The following MGAT4C variants were observed in gnomAD, a reference collection of about 807,000 sequenced individuals.
The protein encoded by MGAT4C is MGAT4 family member C.
Under a neutral mutation model 40.1 loss-of-function variants are expected in MGAT4C, and 19 were observed. The observed-to-expected ratio is 0.47, with a 90% confidence interval of 0.33 to 0.70. The LOEUF is 0.70. MGAT4C is among the 30% of genes least tolerant of loss of function. MGAT4C has a pLI of 0.02. For missense variants in MGAT4C, 491 were observed against 563.2 expected (o/e 0.87, Z 1.30); for synonymous variants, 181 against 187.1 (o/e 0.97, Z 0.27).
At chr12:86,496,459 T>G (rs979801754) in intron 2 of MGAT4C, among the ~76,000 whole-genome samples, 1 of 151,388 alleles carries the variant, frequency 6.6e-6, no homozygotes, top group Non-Finnish European at 1.5e-5. Flanking sequence ...ATTCACTTTC[T>G]CAATCTTTTT....
At chr12:86,386,551 G>A (rs1248803169) in intron 3 of MGAT4C, among the ~76,000 whole-genome samples, 1 of 152,146 alleles carries the variant, frequency 6.6e-6, no homozygotes, top group East Asian at 1.9e-4. Flanking sequence ...GATTACCCCA[G>A]TGGCACGTTG....
rs773203393 is a variant in MGAT4C, at chr12:85,979,412, T to C, written c.1314A>G (p.Gly438=). The change falls in exon 5 of 5, where the codon GGA becomes GGG. Residue 438 remains glycine (G), a synonymous_variant. Coordinates refer to ENST00000611864, the MANE Select transcript of MGAT4C (RefSeq NM_001351288.2). ...GATTTACACCTGACATTTCAAAGTT[T>C]CCATTTTTGAATTCTCCTAGTCTTA... ...TYLRLGEFKN[G]NFEMSGVNQK... 1 of 1,613,202 alleles carries C rather than the reference T, an allele frequency of 6.2e-7. No homozygotes were observed. The highest frequency in any genetic ancestry group is 1.3e-5 in the African/African-American group (1 of 74,886).
At chr12:86,702,213 T>G (rs1437509751) in intron 2 of MGAT4C, among the ~76,000 whole-genome samples, 4 of 151,200 alleles carry the variant, frequency 2.6e-5, no homozygotes, top group Admixed American at 6.6e-5. Context: ...CAGCTATTTT[T>G]TTTTTTTTTT....
intron 2 of MGAT4C, among the ~76,000 whole-genome samples, chr12:86,029,386 T>A (rs1195736908): frequency 6.6e-6 from 1 of 151,944 alleles, no homozygotes; most frequent in Non-Finnish European, 1.5e-5. Context: ...TTACTATGCT[T>A]TTTAAACAGT....
At chr12:86,822,189 C>G (rs886332230) in intron 1 of MGAT4C, among the ~76,000 whole-genome samples, 1 of 150,844 alleles carries the variant, frequency 6.6e-6, no homozygotes, top group African/African-American at 2.4e-5. Flanking sequence ...GAAAAAAATA[C>G]ATATACCTAT....
chr12:86,129,074 A>G (rs1183330370), intron 1 of MGAT4C, among the ~76,000 whole-genome samples: 1 of 152,138 alleles, frequency 6.6e-6, no homozygotes, highest in Non-Finnish European at 1.5e-5. Flanking sequence ...GGATATGCTG[A>G]CTGACTTTGG....
At chr12:86,046,425 G>A (rs1892401286) in intron 2 of MGAT4C, among the ~76,000 whole-genome samples, 1 of 152,150 alleles carries the variant, frequency 6.6e-6, no homozygotes, top group African/African-American at 2.4e-5. Flanking sequence ...TTTGGTAGAG[G>A]TACAGAGTTT....
At chr12:86,837,868 T>C (rs1229653031) in intron 1 of MGAT4C, among the ~76,000 whole-genome samples, 1 of 152,196 alleles carries the variant, frequency 6.6e-6, no homozygotes, top group Non-Finnish European at 1.5e-5. Context: ...TTCTAAGATA[T>C]CATAAGTATA....
chr12:86,209,040 A>G (rs1014320732), intron 1 of MGAT4C, among the ~76,000 whole-genome samples: 2 of 152,166 alleles, frequency 1.3e-5, no homozygotes, highest in Non-Finnish European at 2.9e-5. Flanking sequence ...TCCAACAATA[A>G]CATTAGTATC....
intron 1 of MGAT4C, among the ~76,000 whole-genome samples, chr12:86,795,211 T>C (rs150666031): frequency 6.6e-6 from 1 of 151,978 alleles, no homozygotes; most frequent in Admixed American, 6.6e-5. Flanking sequence ...CTAATTACAA[T>C]CTTATTGTTC....
At chr12:86,190,068 T>C (rs1889203499) in intron 1 of MGAT4C, among the ~76,000 whole-genome samples, 1 of 152,056 alleles carries the variant, frequency 6.6e-6, no homozygotes, top group Middle Eastern at 3.2e-3. Context: ...ACCTTTTCTT[T>C]TCATGTCTAA....
At chr12:86,435,462 A>ATTT (rs1305751312) in intron 2 of MGAT4C, among the ~76,000 whole-genome samples, 2 of 151,874 alleles carry the variant, frequency 1.3e-5, no homozygotes, top group Non-Finnish European at 2.9e-5. Context: ...GAAAGCATGC[A>ATTT]TTTGTGAGTG....
intron 1 of MGAT4C, among the ~76,000 whole-genome samples, chr12:86,751,699 AG>A (rs533617832): frequency 1.3e-5 from 2 of 152,114 alleles, no homozygotes; most frequent in South Asian, 4.1e-4. Flanking sequence ...GAAAATTCAA[AG>A]CACATTGCTT....
chr12:86,779,078 C>T (rs983693843), intron 1 of MGAT4C, among the ~76,000 whole-genome samples: 3 of 150,564 alleles, frequency 2.0e-5, no homozygotes, highest in South Asian at 2.1e-4. Flanking sequence ...TGCCAGAAAA[C>T]GCACAGCTGG....
At chr12:86,158,453 G>A (rs1174448897) in intron 1 of MGAT4C, among the ~76,000 whole-genome samples, 1 of 152,058 alleles carries the variant, frequency 6.6e-6, no homozygotes, top group African/African-American at 2.4e-5. Context: ...ATTGTTAAAG[G>A]TATGGAATAT....
intron 1 of MGAT4C, among the ~76,000 whole-genome samples, chr12:86,828,410 A>G (rs1952850816): frequency 6.6e-6 from 1 of 151,538 alleles, no homozygotes; most frequent in Non-Finnish European, 1.5e-5. Flanking sequence ...CATAACCTTA[A>G]TATACTTTCA....
At chr12:86,349,678 A>G (rs896952361) in intron 3 of MGAT4C, among the ~76,000 whole-genome samples, 2 of 152,108 alleles carry the variant, frequency 1.3e-5, no homozygotes, top group Non-Finnish European at 2.9e-5. Context: ...AAAAACTTCA[A>G]GTTAATTTAC....
chr12:86,589,074 G>C (rs556894209), intron 2 of MGAT4C, among the ~76,000 whole-genome samples: 1 of 151,174 alleles, frequency 6.6e-6, no homozygotes, highest in Non-Finnish European at 1.5e-5. Flanking sequence ...GAAGGAAATA[G>C]AGACACAAAA....
intron 3 of MGAT4C, among the ~76,000 whole-genome samples, chr12:86,409,975 C>T (rs1307297149): frequency 6.6e-6 from 1 of 152,076 alleles, no homozygotes; most frequent in African/African-American, 2.4e-5. Flanking sequence ...AGCCGCAAAA[C>T]CAGCAGGTTT....
Sources: gnomAD v4.1 joint callset for allele counts (sites outside exome capture counted in the v4.1 genomes callset) on GRCh38, gnomAD v4.1.1 for gene constraint, MANE v1.5 for transcripts, NCBI Gene and HGNC (gene_info 2026-07-23, HGNC 2026-07-21) for gene names.